The following PRIMPOL variants were observed in gnomAD, a reference collection of about 807,000 sequenced individuals.
The protein encoded by PRIMPOL is primase and DNA directed polymerase, also known as DNA-directed primase/polymerase protein.
A neutral mutation model predicts 63.6 loss-of-function variants in PRIMPOL; 54 were observed. The ratio of observed to expected loss-of-function variants is 0.85; its 90% CI spans 0.68 to 1.07. PRIMPOL has a LOEUF of 1.07. PRIMPOL is among the 50% of genes least tolerant of loss of function. The pLI, the probability that PRIMPOL is intolerant of heterozygous loss-of-function variation, is 0.00. For missense variants in PRIMPOL, 610 were observed against 648.3 expected, an observed-to-expected ratio of 0.94 and a Z score of 0.64; for synonymous variants, 197 against 220.2, an observed-to-expected ratio of 0.89 and a Z score of 0.93.
intron 3 of PRIMPOL, 61 bp from the exon 4 acceptor site, chr4:184,659,279 A>T: frequency 1.7e-6 from 2 of 1,179,448 alleles, no homozygotes; most frequent in South Asian, 1.2e-5. Context: ...TTCAGTAGCT[A>T]CAGTTGAGTT....
At chr4:184,671,759 G>A (rs62339866) in intron 6 of PRIMPOL, among the ~76,000 whole-genome samples, 1 of 41,950 alleles carries the variant, frequency 2.4e-5, no homozygotes, top group Non-Finnish European at 4.4e-5. Context: ...TTTTTTTTTG[G>A]TAAGATGGAG....
At chr4:184,673,159 C>T (rs1239443765) in intron 7 of PRIMPOL, among the ~76,000 whole-genome samples, 5 of 145,504 alleles carry the variant, frequency 3.4e-5, no homozygotes, top group East Asian at 2.0e-4. Context: ...AGACGGAGTC[C>T]CGCTCTTTAG....
chr4:184,651,290 C>CAAAAAA (rs1203681677), intron 1 of PRIMPOL, among the ~76,000 whole-genome samples: 2 of 143,932 alleles, frequency 1.4e-5, no homozygotes, highest in African/African-American at 2.8e-5. Context: ...GACTCTGTCT[C>CAAAAAA]AAAAAAAAGA....
chr4:184,662,819 G>T (rs1748729096), intron 5 of PRIMPOL, among the ~76,000 whole-genome samples: 1 of 151,722 alleles, frequency 6.6e-6, no homozygotes, highest in Non-Finnish European at 1.5e-5. Flanking sequence ...TTGTGAAAAT[G>T]TATGTGAATG....
chr4:184,691,146 CTGAGAGTATGTT>C (rs773371249), intron 11 of PRIMPOL, among the ~76,000 whole-genome samples: 4 of 152,086 alleles, frequency 2.6e-5, no homozygotes, highest in Non-Finnish European at 5.9e-5. Flanking sequence ...CTATAAATTA[CTGAGAGTATGTT>C]TTTTAAAAAC....
chr4:184,694,675 G>C lies in PRIMPOL; in HGVS notation c.1579G>C (p.Glu527Gln), dbSNP rs760175157. The C allele has an allele frequency of 1.2e-6, 2 of 1,614,128 alleles. No homozygotes were observed. The highest frequency in any genetic ancestry group is 1.7e-6 in the Non-Finnish European group (2 of 1,179,976). ...IDDAYFLEAT[E>Q]DAELAEAAEN... ...TGATGCTTATTTTTTAGAAGCTACTGAAGATGCTGAATTAGCTGAAGCTGC... is the reference window on the plus strand; with the variant it reads ...TGATGCTTATTTTTTAGAAGCTACTCAAGATGCTGAATTAGCTGAAGCTGC... The change falls in exon 14 of 14, where the codon GAA (glutamate) becomes CAA (glutamine). Residue 527 changes from glutamate to glutamine, a missense_variant. Coordinates refer to ENST00000314970, the MANE Select transcript of PRIMPOL (RefSeq NM_152683.4).
chr4:184,688,614 C>T (rs1757621169), intron 11 of PRIMPOL, among the ~76,000 whole-genome samples: 1 of 152,204 alleles, frequency 6.6e-6, no homozygotes, highest in Admixed American at 6.5e-5. Flanking sequence ...CAGGCGTGAG[C>T]AATCCATGCA....
intron 9 of PRIMPOL, among the ~76,000 whole-genome samples, chr4:184,683,314 T>C (rs1455473105): frequency 6.6e-6 from 1 of 151,400 alleles, no homozygotes; most frequent in Non-Finnish European, 1.5e-5. Context: ...TCCGAGCTAC[T>C]CAGGAGACTG....
At chr4:184,680,916 G>C (rs1755455001) in intron 8 of PRIMPOL, among the ~76,000 whole-genome samples, 1 of 152,174 alleles carries the variant, frequency 6.6e-6, no homozygotes, top group African/African-American at 2.4e-5. Context: ...ATTGGCACCA[G>C]AATAAGGTCA....
intron 6 of PRIMPOL, among the ~76,000 whole-genome samples, chr4:184,671,371 C>T (rs1751567516): frequency 6.6e-6 from 1 of 152,148 alleles, no homozygotes; most frequent in African/African-American, 2.4e-5. Flanking sequence ...TGCCCTAACT[C>T]CCCGAGATTT....
intron 8 of PRIMPOL, among the ~76,000 whole-genome samples, chr4:184,680,280 C>G (rs1216366381): frequency 6.6e-6 from 1 of 152,086 alleles, no homozygotes; most frequent in African/African-American, 2.4e-5. Context: ...CTCTGCCTCA[C>G]AGGTTCAAGC....
chr4:184,677,982 A>G (rs969068272), intron 7 of PRIMPOL, among the ~76,000 whole-genome samples: 4 of 152,220 alleles, frequency 2.6e-5, no homozygotes, highest in Non-Finnish European at 4.4e-5. Flanking sequence ...ACCTGCATCC[A>G]GCTTTTCCAT....
chr4:184,658,251 C>T (rs1747158305), intron 3 of PRIMPOL, among the ~76,000 whole-genome samples: 1 of 152,030 alleles, frequency 6.6e-6, no homozygotes, highest in African/African-American at 2.4e-5. Flanking sequence ...ACTCAAATCT[C>T]ATGAGAATGG....
intron 2 of PRIMPOL, among the ~76,000 whole-genome samples, chr4:184,653,783 C>T (rs775129120): frequency 2.0e-5 from 3 of 152,254 alleles, no homozygotes; most frequent in Non-Finnish European, 4.4e-5. Context: ...TCTTTCACCA[C>T]CGGGAATGAA....
At chr4:184,688,263 A>G (rs898733348) in intron 11 of PRIMPOL, among the ~76,000 whole-genome samples, 1 of 152,236 alleles carries the variant, frequency 6.6e-6, no homozygotes, top group Non-Finnish European at 1.5e-5. Flanking sequence ...TGGGTGTGCC[A>G]GTTTATAGTC....
intron 8 of PRIMPOL, among the ~76,000 whole-genome samples, chr4:184,678,685 A>G (rs55993313): frequency 0.1 from 15,859 of 151,234 alleles, 944 homozygotes; most frequent in Middle Eastern, 0.17. Flanking sequence ...CTGCCACCAC[A>G]CCCGGCTAAT....
At chr4:184,661,696 C>G (rs1354384456) in intron 4 of PRIMPOL, 78 bp from the exon 5 acceptor site, 7 of 984,414 alleles carry the variant, frequency 7.1e-6, no homozygotes, top group Non-Finnish European at 1.0e-5. Context: ...ACAGAGCTGA[C>G]TCAGTCTCAG....
chr4:184,654,750 C>G (rs1414541268), intron 2 of PRIMPOL, among the ~76,000 whole-genome samples: 1 of 152,144 alleles, frequency 6.6e-6, no homozygotes, highest in African/African-American at 2.4e-5. Flanking sequence ...CCGCGCCCGG[C>G]TGAAGCAGTT....
At chr4:184,663,778 C>T (rs1749056924) in intron 5 of PRIMPOL, among the ~76,000 whole-genome samples, 1 of 151,188 alleles carries the variant, frequency 6.6e-6, no homozygotes, top group South Asian at 2.1e-4. Flanking sequence ...GATTACTTTA[C>T]TTAATATAAT....
Sources: gnomAD v4.1 joint callset for allele counts (sites outside exome capture counted in the v4.1 genomes callset) on GRCh38, gnomAD v4.1.1 for gene constraint, MANE v1.5 for transcripts, NCBI Gene and HGNC (gene_info 2026-07-23, HGNC 2026-07-21) for gene names.